Variants in MAGI2 observed in about 807,000 individuals in gnomAD.
The protein encoded by MAGI2 is membrane-associated guanylate kinase, WW and PDZ domain-containing protein 2.
Under a neutral mutation model 133.3 loss-of-function variants are expected in MAGI2, and 35 were observed. The observed-to-expected ratio is 0.26, with a 90% confidence interval of 0.20 to 0.35. MAGI2 has a LOEUF of 0.35. MAGI2 is among the 10% of genes least tolerant of loss of function. The pLI, the probability that MAGI2 is intolerant of heterozygous loss-of-function variation, is 1.00. For synonymous variants in MAGI2, 729 were observed against 710.6 expected, an observed-to-expected ratio of 1.03 and a Z score of -0.41; for missense variants, 1,636 against 1,863.4, an observed-to-expected ratio of 0.88 and a Z score of 2.25.
At chr7:78,290,758 T>G (rs1796620708) in intron 9 of MAGI2, among the ~76,000 whole-genome samples, 1 of 152,176 alleles carries the variant, frequency 6.6e-6, no homozygotes, top group African/African-American at 2.4e-5. Flanking sequence ...CAGACCACAG[T>G]GCTATCAGAA....
intron 3 of MAGI2, among the ~76,000 whole-genome samples, chr7:78,607,660 C>G (rs1311976240): frequency 6.6e-6 from 1 of 152,120 alleles, no homozygotes; most frequent in Non-Finnish European, 1.5e-5. Context: ...GAACCTGGTT[C>G]TAGTTTTCCT....
intron 1 of MAGI2, among the ~76,000 whole-genome samples, chr7:79,052,376 A>G (rs926137839): frequency 6.6e-5 from 10 of 152,240 alleles, no homozygotes; most frequent in Admixed American, 6.5e-5. Context: ...ATTGCAAGAC[A>G]GTGAAAGCAC....
At chr7:79,148,554 T>C (rs1242569963) in intron 1 of MAGI2, among the ~76,000 whole-genome samples, 1 of 152,180 alleles carries the variant, frequency 6.6e-6, no homozygotes, top group African/African-American at 2.4e-5. Context: ...CCAAGTTTGC[T>C]AGACTTGGAA....
chr7:78,413,773 G>A (rs148856265), intron 6 of MAGI2, among the ~76,000 whole-genome samples: 197 of 152,104 alleles, frequency 1.3e-3, no homozygotes, highest in African/African-American at 4.5e-3. Context: ...CCTGTCACAT[G>A]CTACACACGG....
intron 2 of MAGI2, among the ~76,000 whole-genome samples, chr7:78,826,694 G>A (rs1790683308): frequency 6.6e-6 from 1 of 152,162 alleles, no homozygotes; most frequent in Non-Finnish European, 1.5e-5. Context: ...GTTCTAGGAT[G>A]AAATGTAGAA....
At chr7:79,312,418 CT>C (rs1025384440) in intron 1 of MAGI2, among the ~76,000 whole-genome samples, 13 of 152,266 alleles carry the variant, frequency 8.5e-5, no homozygotes, top group African/African-American at 3.1e-4. Context: ...AATGCTTCCC[CT>C]GGGAACCTTT....
At chr7:78,222,073 A>G (rs1199670217) in intron 10 of MAGI2, among the ~76,000 whole-genome samples, 1 of 151,850 alleles carries the variant, frequency 6.6e-6, no homozygotes, top group Non-Finnish European at 1.5e-5. Context: ...TATGCAAAAC[A>G]TAGCTCTTTG....
chr7:78,642,119 G>A lies in MAGI2; in HGVS notation c.419-14880C>T, dbSNP rs186214435. ...CCTGAATATTACATATAAATTTTAC[G>A]CTGTTGTATCTGTAATATCCCATGT... On this transcript the variant is annotated intron_variant, in intron 2 of 21. Transcript: ENST00000354212. Among the ~76,000 whole-genome samples the A allele has an allele frequency of 5.9e-5, 9 of 152,212 alleles. No homozygotes were observed. The East Asian group carries it at 1.2e-3, about 20-fold the overall frequency.
At chr7:79,102,043 C>T (rs1472503788) in intron 1 of MAGI2, among the ~76,000 whole-genome samples, 1 of 152,010 alleles carries the variant, frequency 6.6e-6, no homozygotes, top group African/African-American at 2.4e-5. Flanking sequence ...AGGTATATGA[C>T]ATAAATATTT....
chr7:78,132,743 C>A (rs1044385476), intron 18 of MAGI2, 146 bp downstream of exon 18: 5 of 1,204,622 alleles, frequency 4.2e-6, no homozygotes, highest in Non-Finnish European at 4.8e-6. Flanking sequence ...ATAACACACA[C>A]AACCTCGAAA....
chr7:78,406,127 TA>T (rs1443992339), intron 6 of MAGI2, among the ~76,000 whole-genome samples: 5 of 151,960 alleles, frequency 3.3e-5, no homozygotes, highest in Admixed American at 1.3e-4. Flanking sequence ...TCCAATGTAT[TA>T]AAAAGACAGT....
chr7:78,541,924 G>T (rs1375462331), intron 3 of MAGI2, among the ~76,000 whole-genome samples: 1 of 152,154 alleles, frequency 6.6e-6, no homozygotes, highest in Non-Finnish European at 1.5e-5. Context: ...ATGCTAACTT[G>T]TCTATGTTAG....
intron 1 of MAGI2, among the ~76,000 whole-genome samples, chr7:79,103,649 C>A (rs114449621): frequency 0.037 from 5,551 of 152,000 alleles, 159 homozygotes; most frequent in Admixed American, 0.074. Context: ...AGAGGCACAC[C>A]AGGACTTTCT....
At chr7:78,573,095 GGAGA>G (rs1421801764) in intron 3 of MAGI2, among the ~76,000 whole-genome samples, 3 of 47,432 alleles carry the variant, frequency 6.3e-5, no homozygotes, top group Non-Finnish European at 9.0e-5. Context: ...ACACACACAC[GGAGA>G]GATATACATA....
intron 1 of MAGI2, among the ~76,000 whole-genome samples, chr7:79,158,429 T>A (rs538572672): frequency 2.0e-5 from 3 of 152,212 alleles, no homozygotes; most frequent in South Asian, 4.1e-4. Context: ...TAATAAATAA[T>A]TGGCTTTAAA....
chr7:78,294,157 C>G (rs892554547), intron 9 of MAGI2, among the ~76,000 whole-genome samples: 2 of 152,064 alleles, frequency 1.3e-5, no homozygotes, highest in Non-Finnish European at 2.9e-5. Flanking sequence ...CATTTTTTCA[C>G]ATTTTAATTT....
intron 2 of MAGI2, among the ~76,000 whole-genome samples, chr7:78,832,211 T>C (rs1284998950): frequency 6.6e-6 from 1 of 152,038 alleles, no homozygotes; most frequent in Non-Finnish European, 1.5e-5. Context: ...CAGATAGAAA[T>C]TCTAAGAATT....
intron 21 of MAGI2, among the ~76,000 whole-genome samples, chr7:78,048,615 TATA>T (rs1811679267): frequency 6.6e-6 from 1 of 152,232 alleles, no homozygotes; most frequent in African/African-American, 2.4e-5. Context: ...TTTTTCTTCC[TATA>T]ATATTTCTCC....
intron 4 of MAGI2, among the ~76,000 whole-genome samples, chr7:78,513,404 C>G (rs1320378279): frequency 2.6e-5 from 4 of 152,044 alleles, no homozygotes; most frequent in African/African-American, 9.7e-5. Context: ...AAAAGAAAGG[C>G]CAGTCCTCAG....
Sources: allele counts gnomAD v4.1 joint callset (sites outside exome capture counted in the v4.1 genomes callset), GRCh38; gene constraint gnomAD v4.1.1; transcripts MANE v1.5; gene names NCBI Gene and HGNC (gene_info 2026-07-23, HGNC 2026-07-21).